LUZP2: variants seen among roughly 807,000 people sequenced by gnomAD.
The protein encoded by LUZP2 is leucine zipper protein 2.
Under a neutral mutation model 51.6 loss-of-function variants are expected in LUZP2, and 52 were observed. The observed-to-expected ratio is 1.01, with a 90% CI of 0.81 to 1.27. The LOEUF is 1.27. Among genes scored for constraint, LUZP2 ranks in the 50% most tolerant of loss-of-function variants. LUZP2 has a pLI of 0.00. For missense variants in LUZP2, 436 were observed against 395.4 expected (o/e 1.10, Z -0.87); for synonymous variants, 154 against 137.3 (o/e 1.12, Z -0.85).
intron 1 of LUZP2, among the ~76,000 whole-genome samples, chr11:24,566,502 T>TTG (rs201421517): frequency 0.014 from 2,015 of 147,676 alleles, 41 homozygotes; most frequent in South Asian, 0.058. Context: ...ATAATTTAAT[T>TTG]TGTGTGTGTG....
At chr11:25,053,150 G>C (rs1448288801) in intron 10 of LUZP2, among the ~76,000 whole-genome samples, 3 of 152,126 alleles carry the variant, frequency 2.0e-5, no homozygotes, top group South Asian at 2.1e-4. Context: ...TTCAAAGAGA[G>C]AGCCCCAGGA....
At chr11:24,595,544 T>A (rs1468400752) in intron 1 of LUZP2, among the ~76,000 whole-genome samples, 1 of 152,200 alleles carries the variant, frequency 6.6e-6, no homozygotes, top group Non-Finnish European at 1.5e-5. Flanking sequence ...AAAGTGCACC[T>A]GTCAATTTTT....
At chr11:24,648,938 C>A (rs529478601) in intron 1 of LUZP2, among the ~76,000 whole-genome samples, 1 of 151,888 alleles carries the variant, frequency 6.6e-6, no homozygotes, top group Non-Finnish European at 1.5e-5. Context: ...TTCTATCAAG[C>A]CAGTAAGGAA....
intron 1 of LUZP2, among the ~76,000 whole-genome samples, chr11:24,602,156 A>AGGTATATATATATG (rs1853707046): frequency 8.2e-6 from 1 of 122,224 alleles, no homozygotes; most frequent in Non-Finnish European, 1.6e-5. Context: ...ATATGTATAT[A>AGGTATATATATATG]TGTATATATG....
intron 1 of LUZP2, among the ~76,000 whole-genome samples, chr11:24,536,516 A>G (rs1481424914): frequency 1.3e-5 from 2 of 151,798 alleles, no homozygotes; most frequent in African/African-American, 2.4e-5. Context: ...CTTTCCTTAA[A>G]TCTTATGAAC....
At chr11:24,545,852 A>G (rs2133732264) in intron 1 of LUZP2, among the ~76,000 whole-genome samples, 1 of 152,224 alleles carries the variant, frequency 6.6e-6, no homozygotes, top group South Asian at 2.1e-4. Context: ...TAGGAATAGC[A>G]GTGAATTTGT....
intron 5 of LUZP2, among the ~76,000 whole-genome samples, chr11:24,849,497 T>C (rs1413011998): frequency 6.6e-6 from 1 of 152,188 alleles, no homozygotes; most frequent in Non-Finnish European, 1.5e-5. Flanking sequence ...CCATGGTGTA[T>C]ATGTGCCACA....
chr11:24,735,793 A>G (rs1417009348), intron 3 of LUZP2, among the ~76,000 whole-genome samples: 2 of 151,986 alleles, frequency 1.3e-5, no homozygotes, highest in African/African-American at 4.8e-5. Context: ...TTAGAATTAA[A>G]GTTTCAGTTT....
chr11:24,896,213 A>C (rs1853041775), intron 5 of LUZP2, among the ~76,000 whole-genome samples: 2 of 152,156 alleles, frequency 1.3e-5, no homozygotes, highest in Admixed American at 1.3e-4. Context: ...TCAGTCCGCC[A>C]CTGCACTGTG....
chr11:24,653,801 G>T (rs1196924848), intron 1 of LUZP2, among the ~76,000 whole-genome samples: 2 of 152,180 alleles, frequency 1.3e-5, no homozygotes, highest in Admixed American at 1.3e-4. Flanking sequence ...CAAGAAGAGA[G>T]TCTACAAATG....
At chr11:24,547,999 G>C (rs1851613779) in intron 1 of LUZP2, among the ~76,000 whole-genome samples, 3 of 152,024 alleles carry the variant, frequency 2.0e-5, no homozygotes, top group Non-Finnish European at 4.4e-5. Flanking sequence ...ACCACAATGA[G>C]ATATCATCTC....
intron 5 of LUZP2, among the ~76,000 whole-genome samples, chr11:24,807,322 C>T (rs1020138059): frequency 6.6e-6 from 1 of 151,792 alleles, no homozygotes; most frequent in African/African-American, 2.4e-5. Context: ...ATTAGCCAGG[C>T]GTAGTGGTGA....
chr11:24,958,880 G>A (rs1855296761), intron 7 of LUZP2, among the ~76,000 whole-genome samples: 1 of 152,132 alleles, frequency 6.6e-6, no homozygotes, highest in Non-Finnish European at 1.5e-5. Context: ...GGTTTTTATG[G>A]TTTTAGGTCT....
At chr11:24,746,133 T>G (rs1859371619) in intron 4 of LUZP2, among the ~76,000 whole-genome samples, 1 of 152,152 alleles carries the variant, frequency 6.6e-6, no homozygotes, top group Non-Finnish European at 1.5e-5. Context: ...TAAATTGTAT[T>G]TTTGTTTTAT....
chr11:25,042,798 A>T (rs924686283), intron 9 of LUZP2, among the ~76,000 whole-genome samples: 2 of 152,062 alleles, frequency 1.3e-5, no homozygotes, highest in African/African-American at 4.8e-5. Flanking sequence ...TTCTGTGTGA[A>T]ATCTCCCTCT....
chr11:24,668,463 A>C (rs1247477092), intron 1 of LUZP2, among the ~76,000 whole-genome samples: 2 of 152,210 alleles, frequency 1.3e-5, no homozygotes, highest in African/African-American at 4.8e-5. Flanking sequence ...TGAAAGGTCT[A>C]GAAACATATA....
chr11:24,668,299 G>A (rs1028369362), intron 1 of LUZP2, among the ~76,000 whole-genome samples: 4 of 152,180 alleles, frequency 2.6e-5, no homozygotes, highest in African/African-American at 9.6e-5. Flanking sequence ...TTTCATCGAA[G>A]ATTCCAGGGT....
At chr11:24,882,677 T>G (rs1275857898) in intron 5 of LUZP2, among the ~76,000 whole-genome samples, 2 of 152,038 alleles carry the variant, frequency 1.3e-5, no homozygotes, top group Admixed American at 6.6e-5. Flanking sequence ...ATAATAAGCA[T>G]GTACCCTTTC....
intron 4 of LUZP2, among the ~76,000 whole-genome samples, chr11:24,744,502 T>G (rs1365955146): frequency 6.6e-6 from 1 of 152,128 alleles, no homozygotes; most frequent in Non-Finnish European, 1.5e-5. Context: ...TGCATAAAGG[T>G]GTTCATAGTA....
Sources: gnomAD v4.1 joint callset for allele counts (sites outside exome capture counted in the v4.1 genomes callset) on GRCh38, gnomAD v4.1.1 for gene constraint, MANE v1.5 for transcripts, NCBI Gene and HGNC (gene_info 2026-07-23, HGNC 2026-07-21) for gene names.